ZBTB37: variants seen among roughly 807,000 people sequenced by gnomAD.
The protein encoded by ZBTB37 is zinc finger and BTB domain containing 37, also known as zinc finger and BTB domain-containing protein 37.
In ZBTB37, 15 loss-of-function variants were observed where a neutral mutation model predicts 37.7. That is an observed-to-expected ratio of 0.40 (90% CI 0.27 to 0.61). ZBTB37 has a LOEUF of 0.61. Ranked by LOEUF, ZBTB37 falls within the 20% of genes least tolerant of loss-of-function variation. The pLI, the probability that ZBTB37 is intolerant of heterozygous loss-of-function variation, is 0.44. For missense variants in ZBTB37, 514 were observed against 641.9 expected, an observed-to-expected ratio of 0.80 and a Z score of 2.15; for synonymous variants, 231 against 220.6, an observed-to-expected ratio of 1.05 and a Z score of -0.42.
At chr1:173,902,790 A>G (rs541163654) in exon 4 of ZBTB37, 2 of 152,304 alleles carry the variant, frequency 1.3e-5, no homozygotes, top group African/African-American at 4.8e-5. Flanking sequence ...AGGAGAGTTA[A>G]GGAGGGAGAG....
At chr1:173,897,051 C>T (rs935869515) in exon 4 of ZBTB37, 6 of 152,084 alleles carry the variant, frequency 3.9e-5, no homozygotes, top group African/African-American at 1.4e-4. Context: ...TTTTGGAAAA[C>T]TGGCACAATA....
chr1:173,901,468 A>G (rs971316858), exon 4 of ZBTB37: 18 of 148,994 alleles, frequency 1.2e-4, no homozygotes, highest in African/African-American at 4.0e-4. Flanking sequence ...CAGTGGTGCA[A>G]TTATAGCTCA....
rs924342530 is a variant in ZBTB37 at position 173,871,111 on chromosome 1, G to C, written c.886G>C (p.Ala296Pro). 1 of 1,611,852 alleles carries C rather than the reference G, an allele frequency of 6.2e-7. No individual in the cohort carries two copies. Residue 296 changes from alanine to proline, a missense_variant, in exon 3 of 5, where the codon GCC (alanine) becomes CCC (proline). This residue lies in a region of ZBTB37 where 323 missense variants were observed against 321.9 expected (regional missense o/e 1.00). Coordinates refer to ENST00000427304, the Ensembl canonical transcript of ZBTB37. The stretch of plus-strand genomic sequence containing the variant: ...AAATTATACTTTAGGGTCTTCAGGA[G>C]CCAAGGTGGCTCGGCCAACAAGCAG...
intron 4 of ZBTB37, among the ~76,000 whole-genome samples, chr1:173,883,784 C>T (rs1272284725): frequency 6.6e-6 from 1 of 152,146 alleles, no homozygotes; most frequent in African/African-American, 2.4e-5. Flanking sequence ...TTGAGAACTG[C>T]CTCTATTGGA....
chr1:173,895,511 A>C (rs976421396), exon 4 of ZBTB37: 2 of 152,200 alleles, frequency 1.3e-5, no homozygotes, highest in African/African-American at 4.8e-5. Flanking sequence ...TGGCTGCTGA[A>C]TCTCTTTCAA....
At chr1:173,881,269 A>G (rs1238054902) in intron 4 of ZBTB37, among the ~76,000 whole-genome samples, 3 of 152,126 alleles carry the variant, frequency 2.0e-5, no homozygotes, top group Admixed American at 6.5e-5. Flanking sequence ...CCATGTCCCT[A>G]CAAAGGACAT....
At chr1:173,875,915 T>A (rs1374553345) in intron 4 of ZBTB37, among the ~76,000 whole-genome samples, 1 of 152,172 alleles carries the variant, frequency 6.6e-6, no homozygotes, top group African/African-American at 2.4e-5. Flanking sequence ...TGCCTCAGCC[T>A]CCCAATTTGC....
chr1:173,890,553 G>A (rs1251746328), downstream of ZBTB37: 1 of 152,178 alleles, frequency 6.6e-6, no homozygotes, highest in Non-Finnish European at 1.5e-5. Flanking sequence ...TAGGTTATAT[G>A]TGAAAGAGTT....
exon 4 of ZBTB37, chr1:173,903,287 T>C (rs1657341304): frequency 1.3e-5 from 2 of 153,136 alleles, no homozygotes; most frequent in African/African-American, 4.8e-5. Flanking sequence ...AGACTCGGGT[T>C]GGGGGAGGGA....
exon 4 of ZBTB37, chr1:173,901,795 C>T (rs891719720): frequency 3.3e-5 from 5 of 152,192 alleles, no homozygotes; most frequent in Non-Finnish European, 7.3e-5. Flanking sequence ...TCTGCTCTGC[C>T]TCTGAAAGGA....
At chr1:173,870,727 A>C in exon 3 of ZBTB37, 1 of 1,614,200 alleles carries the variant, frequency 6.2e-7, no homozygotes, top group Non-Finnish European at 8.5e-7. Context: ...CCCACGACAT[A>C]ATACCCCAAA....
chr1:173,869,109 C>T (rs1655299292), exon 2 of ZBTB37: 1 of 152,618 alleles, frequency 6.6e-6, no homozygotes, highest in Admixed American at 6.5e-5. Flanking sequence ...AACAATAACG[C>T]TTTGGAAAAA....
chr1:173,903,435 ATGTATACT>A (rs1196749315), exon 4 of ZBTB37: 1 of 183,678 alleles, frequency 5.4e-6, no homozygotes, highest in Non-Finnish European at 1.1e-5. Flanking sequence ...AAGTCTATTA[ATGTATACT>A]TGAAATTCTG....
downstream of ZBTB37, chr1:173,891,417 C>T (rs569463975): frequency 5.3e-5 from 8 of 151,252 alleles, no homozygotes; most frequent in Admixed American, 1.3e-4. Flanking sequence ...GTTTTTCTTC[C>T]TTTTTTCCTG....
At chr1:173,894,407 G>A (rs971450941) in exon 4 of ZBTB37, 1 of 152,184 alleles carries the variant, frequency 6.6e-6, no homozygotes, top group Admixed American at 6.5e-5. Context: ...AGACAAGTCT[G>A]GAAGGAGTGT....
exon 4 of ZBTB37, chr1:173,894,891 G>C (rs774074895): frequency 3.9e-5 from 6 of 152,024 alleles, no homozygotes; most frequent in Non-Finnish European, 8.8e-5. Context: ...TCTACCATGG[G>C]TCACTAAAGG....
chr1:173,876,562 A>T (rs968463511), intron 4 of ZBTB37, among the ~76,000 whole-genome samples: 1 of 151,858 alleles, frequency 6.6e-6, no homozygotes, highest in Non-Finnish European at 1.5e-5. Flanking sequence ...AGGTAATCCA[A>T]CCGCCTCAGC....
chr1:173,873,406 A>G, intron 3 of ZBTB37, 61 bp from the exon 4 acceptor site: 1 of 1,496,778 alleles, frequency 6.7e-7, no homozygotes, highest in Middle Eastern at 1.8e-4. Flanking sequence ...CGACATCACC[A>G]TTTTTCAGGT....
chr1:173,874,054 G>A (rs1200752687), intron 4 of ZBTB37, among the ~76,000 whole-genome samples: 1 of 152,074 alleles, frequency 6.6e-6, no homozygotes, highest in Non-Finnish European at 1.5e-5. Context: ...TCCGGAGTTC[G>A]AGACCAGCTT....
Sources: gnomAD v4.1 joint callset for allele counts (sites outside exome capture counted in the v4.1 genomes callset) on GRCh38, gnomAD v4.1.1 for gene constraint, gnomAD v4.1.1 regional missense constraint, MANE v1.5 for transcripts, NCBI Gene and HGNC (gene_info 2026-07-23, HGNC 2026-07-21) for gene names.